The following LSM12 variants were observed in gnomAD, a reference collection of about 807,000 sequenced individuals.
The protein encoded by LSM12 is protein LSM12.
For synonymous variants in LSM12, 74 were observed against 87.3 expected (o/e 0.85, Z 0.85); for missense variants, 108 against 238.9 (o/e 0.45, Z 3.61).
At chr17:44,050,911 T>C (rs974893219) in intron 2 of LSM12, among the ~76,000 whole-genome samples, 1 of 152,000 alleles carries the variant, frequency 6.6e-6, no homozygotes, top group African/African-American at 2.4e-5. Flanking sequence ...GGCGGGTGGA[T>C]ACTTTGAGCT....
chr17:44,046,289 CT>C (rs1567957440), intron 2 of LSM12, among the ~76,000 whole-genome samples: 1 of 152,004 alleles, frequency 6.6e-6, no homozygotes, highest in Non-Finnish European at 1.5e-5. Flanking sequence ...TAAAAAGTCT[CT>C]GTGTGTGGAC....
intron 2 of LSM12, among the ~76,000 whole-genome samples, chr17:44,056,589 A>C (rs2049717672): frequency 6.6e-6 from 1 of 151,838 alleles, no homozygotes; most frequent in South Asian, 2.1e-4. Flanking sequence ...GCTACTCAGG[A>C]GGGTGAGGCA....
At chr17:44,053,044 A>C (rs186407331) in intron 2 of LSM12, among the ~76,000 whole-genome samples, 1 of 152,292 alleles carries the variant, frequency 6.6e-6, no homozygotes, top group Non-Finnish European at 1.5e-5. Context: ...GAGGTGGACA[A>C]ACTGAGCACT....
chr17:44,054,825 C>T (rs772268176), intron 2 of LSM12, among the ~76,000 whole-genome samples: 4 of 151,332 alleles, frequency 2.6e-5, no homozygotes, highest in East Asian at 1.9e-4. Context: ...GCCTTGGCGA[C>T]GTTTTCTTTT....
chr17:44,046,755 T>C (rs565136235), intron 2 of LSM12, among the ~76,000 whole-genome samples: 14 of 118,264 alleles, frequency 1.2e-4, no homozygotes, highest in African/African-American at 4.9e-4. Flanking sequence ...TTCTTTTTTT[T>C]TTTCTTTTTT....
intron 2 of LSM12, among the ~76,000 whole-genome samples, chr17:44,040,862 G>A (rs1308801264): frequency 1.3e-5 from 2 of 151,208 alleles, no homozygotes; most frequent in Non-Finnish European, 2.9e-5. Context: ...GCGGGCTCCT[G>A]TAATCCCAGC....
At chr17:44,047,147 T>A (rs1181506629) in intron 2 of LSM12, among the ~76,000 whole-genome samples, 3 of 152,224 alleles carry the variant, frequency 2.0e-5, no homozygotes, top group Non-Finnish European at 4.4e-5. Flanking sequence ...TTTTCACTTG[T>A]ACTTCCCTTT....
chr17:44,063,242 C>A (rs1289005137), intron 2 of LSM12, among the ~76,000 whole-genome samples: 1 of 152,138 alleles, frequency 6.6e-6, no homozygotes, highest in Non-Finnish European at 1.5e-5. Flanking sequence ...CATACACACA[C>A]AAAAGTGACT....
rs143093647 is a variant in LSM12 at position 44,056,488 on chromosome 17, G to A, written c.258+7313C>T. ...TTTTTTTTAATTAGCTGGACGTGGT[G>A]GCACACACCTGTAGTCCCAGCTACT... On this transcript the variant is annotated intron_variant, in intron 2 of 4. Coordinates refer to ENST00000293406, the MANE Select transcript of LSM12 (RefSeq NM_001371445.1). Among the ~76,000 whole-genome samples, 372 of 151,970 alleles carry A rather than the reference G, an allele frequency of 2.4e-3. 2 individuals are homozygous for A. Among genetic ancestry groups the A allele is most frequent in the African/African-American group, 8.4e-3 (349 of 41,424 alleles).
chr17:44,051,575 A>G (rs2049645077), intron 2 of LSM12, among the ~76,000 whole-genome samples: 1 of 152,046 alleles, frequency 6.6e-6, no homozygotes, highest in Non-Finnish European at 1.5e-5. Flanking sequence ...ATATATATAT[A>G]TATAGTTCCC....
intron 3 of LSM12, among the ~76,000 whole-genome samples, chr17:44,039,053 G>C (rs1043902300): frequency 2.0e-5 from 3 of 152,242 alleles, no homozygotes; most frequent in Admixed American, 2.0e-4. Flanking sequence ...GACTTCTGCT[G>C]TGACAAAATG....
At chr17:44,047,959 C>T (rs910963143) in intron 2 of LSM12, among the ~76,000 whole-genome samples, 3 of 148,952 alleles carry the variant, frequency 2.0e-5, no homozygotes, top group Admixed American at 6.7e-5. Flanking sequence ...TGAGGAAGGC[C>T]GATCACTTGA....
upstream of LSM12, chr17:44,066,849 C>G (rs2049887584): frequency 3.4e-6 from 1 of 290,426 alleles, no homozygotes; most frequent in South Asian, 1.6e-4. Context: ...GATAAATGAC[C>G]TACGTGGAAT....
intron 2 of LSM12, among the ~76,000 whole-genome samples, chr17:44,043,220 G>A (rs893175826): frequency 4.9e-4 from 74 of 152,222 alleles, no homozygotes; most frequent in African/African-American, 1.6e-3. Flanking sequence ...CAGCCTCCCC[G>A]GGTAAGAGAG....
In LSM12 at chr17:44,058,490, C is replaced by G. The variant is rs147534329; in HGVS notation, c.258+5311G>C. On this transcript the variant is annotated intron_variant, in intron 2 of 4. Transcript: ENST00000293406. ...GCCGAGGAAGGAGGATTGCTTGAGC[C>G]CAGGAGTTACAGACCATCCTGGGCC... 1.7e-3 allele frequency among the ~76,000 whole-genome samples: 263 copies of G among 151,918 alleles called. 4 individuals carry two copies. In the East Asian group the frequency reaches 0.026, roughly 15 times the overall value.
At chr17:44,064,550 T>A (rs1379710973) in intron 1 of LSM12, among the ~76,000 whole-genome samples, 1 of 150,426 alleles carries the variant, frequency 6.6e-6, no homozygotes. Flanking sequence ...CTGGCCAAAG[T>A]GGCAAAACCC....
At chr17:44,061,024 C>T (rs228762) in intron 2 of LSM12, among the ~76,000 whole-genome samples, 118,783 of 152,114 alleles carry the variant, frequency 0.78, 47,287 homozygotes, top group South Asian at 0.94. Flanking sequence ...TTCTTTAATA[C>T]ACTAGGAATA....
intron 2 of LSM12, among the ~76,000 whole-genome samples, chr17:44,054,401 T>C (rs1444443667): frequency 6.6e-6 from 1 of 152,108 alleles, no homozygotes; most frequent in Non-Finnish European, 1.5e-5. Flanking sequence ...AGCCTTGACC[T>C]TCCCAGGTTC....
chr17:44,037,568 A>C (rs1398711388), intron 3 of LSM12, 30 bp from the exon 4 acceptor site: 1 of 1,590,306 alleles, frequency 6.3e-7, no homozygotes, highest in Non-Finnish European at 8.6e-7. Flanking sequence ...GGCGAAATGT[A>C]ACCTCTTGGG....
Sources: gnomAD v4.1 joint callset for allele counts (sites outside exome capture counted in the v4.1 genomes callset) on GRCh38, gnomAD v4.1.1 for gene constraint, MANE v1.5 for transcripts, NCBI Gene and HGNC (gene_info 2026-07-23, HGNC 2026-07-21) for gene names.